RIMBP2: variants seen among roughly 807,000 people sequenced by gnomAD.
RIMBP2 encodes RIMS binding protein 2.
RIMBP2 carries 48 observed loss-of-function variants against 118.6 expected under a neutral mutation model. The observed-to-expected ratio is 0.40, with a 90% CI of 0.32 to 0.51. The LOEUF (loss-of-function observed/expected upper bound fraction) is 0.51. RIMBP2 is among the 20% of genes least tolerant of loss of function. The pLI is 0.41. For missense variants in RIMBP2, 1,551 were observed against 1,768.3 expected (o/e 0.88, Z 2.20); for synonymous variants, 762 against 742.9 (o/e 1.03, Z -0.42).
Position 130,424,623 on chromosome 12 carries a change from C to T in RIMBP2, c.2648G>A (p.Trp883Ter). 2 of 1,231,928 alleles carry T rather than the reference C, an allele frequency of 1.6e-6. No individual in the cohort carries two copies. The highest frequency in any genetic ancestry group is 2.0e-6 in the Non-Finnish European group (2 of 987,834). The allele number at this position is 1,231,928 out of a possible 1,614,324, so 76.3% of individuals were successfully genotyped here. A position where few individuals can be genotyped will look rare whatever the true frequency, so the allele number is the denominator to read the frequency against. ...YRGDEAPRGS[W>*]FPVKHRGSGA... Reference sequence around the variant, plus strand: ...CGAGCCCCTGTGCTTCACCGGGAACCAGGAGCCCCGAGGGGCCTCGTCGCC... The same window carrying T: ...CGAGCCCCTGTGCTTCACCGGGAACTAGGAGCCCCGAGGGGCCTCGTCGCC... The change falls in exon 16 of 23, where the codon TGG (tryptophan) becomes TAG (stop). Residue 883 changes from tryptophan to a stop codon, truncating the protein, a stop_gained. Transcript: ENST00000690449. LOFTEE classifies it high-confidence loss of function. The surrounding 1 kb of genome is among the most constrained non-coding windows in gnomAD (Gnocchi z 9.8).
intron 6 of RIMBP2, among the ~76,000 whole-genome samples, chr12:130,468,626 T>C (rs1036387348): frequency 1.3e-5 from 2 of 151,968 alleles, no homozygotes; most frequent in African/African-American, 4.8e-5. Context: ...GCAGGCAGCC[T>C]CCCTGGCCTG....
chr12:130,615,097 T>C (rs2060817930), intron 2 of RIMBP2, among the ~76,000 whole-genome samples: 1 of 147,674 alleles, frequency 6.8e-6, no homozygotes, highest in South Asian at 2.1e-4. Flanking sequence ...TGTGTATATA[T>C]GTGTATTATG....
At chr12:130,673,034 T>C (rs1401657162) in intron 1 of RIMBP2, among the ~76,000 whole-genome samples, 1 of 40,908 alleles carries the variant, frequency 2.4e-5, no homozygotes, top group Non-Finnish European at 8.1e-5. Context: ...AAGAACAGTC[T>C]GTCTCAGAAA....
Position 130,480,198 on chromosome 12 carries a change from TACACACACACAC to T in RIMBP2, c.-3-1194_-3-1183del, listed in dbSNP as rs10580090. 1.6e-3 allele frequency among the ~76,000 whole-genome samples: 210 copies of T among 127,552 alleles called. 1 individual carries two copies. The highest frequency in any genetic ancestry group is 7.5e-3 in the Middle Eastern group (2 of 268). 83.7% of individuals were successfully genotyped at this position (127,552 alleles called of 152,430 possible). On this transcript the variant is annotated intron_variant, in intron 4 of 22. Transcript: ENST00000690449. ...AGAATTTCATTGTCATTTCCTTTCATACACACACACACACACACACACACACACACACACACA... is the reference window on the plus strand; with the variant it reads ...AGAATTTCATTGTCATTTCCTTTCATACACACACACACACACACACACACA...
chr12:130,427,052 G>A (rs2076838736), intron 15 of RIMBP2: 1 of 152,320 alleles, frequency 6.6e-6, no homozygotes, highest in African/African-American at 2.4e-5. Flanking sequence ...GGTTTGCATA[G>A]GGATCTGGCA....
intron 2 of RIMBP2, among the ~76,000 whole-genome samples, chr12:130,533,829 G>A (rs1167801728): frequency 1.3e-5 from 2 of 152,174 alleles, no homozygotes; most frequent in Non-Finnish European, 2.9e-5. Flanking sequence ...CATGTTCTCA[G>A]TCACAAGTAG....
At chr12:130,550,110 G>A (rs879638602) in intron 2 of RIMBP2, among the ~76,000 whole-genome samples, 2 of 152,172 alleles carry the variant, frequency 1.3e-5, no homozygotes, top group African/African-American at 2.4e-5. Context: ...AAGTACTTCT[G>A]AAAACAAAGG....
intron 1 of RIMBP2, among the ~76,000 whole-genome samples, chr12:130,694,054 C>T (rs960453022): frequency 2.0e-5 from 3 of 152,328 alleles, no homozygotes; most frequent in Middle Eastern, 3.4e-3. Context: ...ATAAACCCTT[C>T]TCTTGTTTGA....
intron 1 of RIMBP2, among the ~76,000 whole-genome samples, chr12:130,648,004 CGTGTGCACACACATGTGAACACACGT>C: frequency 6.8e-6 from 1 of 146,462 alleles, no homozygotes. Flanking sequence ...CATGCACACA[CGTGTGCACACACATGTGAACACACGT>C]GTGTACACAC....
At chr12:130,498,904 A>C (rs1566149836) in intron 4 of RIMBP2, among the ~76,000 whole-genome samples, 1 of 152,186 alleles carries the variant, frequency 6.6e-6, no homozygotes, top group Non-Finnish European at 1.5e-5. Flanking sequence ...CACTAATCTC[A>C]GCCACTCAAT....
At chr12:130,569,669 G>A (rs886875699) in intron 2 of RIMBP2, among the ~76,000 whole-genome samples, 11 of 152,098 alleles carry the variant, frequency 7.2e-5, no homozygotes, top group East Asian at 1.9e-4. Flanking sequence ...ATTTAAAAGC[G>A]TGCAGCCCCT....
intron 16 of RIMBP2, among the ~76,000 whole-genome samples, chr12:130,423,340 T>G (rs2136715405): frequency 6.6e-6 from 1 of 152,188 alleles, no homozygotes; most frequent in African/African-American, 2.4e-5. Context: ...GGCGGCTGAG[T>G]CACTGAGGCA....
chr12:130,473,212 T>A (rs1050421854), intron 5 of RIMBP2, among the ~76,000 whole-genome samples: 1 of 152,230 alleles, frequency 6.6e-6, no homozygotes, highest in African/African-American at 2.4e-5. Flanking sequence ...ACTGTTGAAA[T>A]TGGCAGCGCT....
rs770656037 is a variant in RIMBP2 at position 130,670,190 on chromosome 12, G to A, written c.-351-41734C>T. ...TACGGTTGGGAGAGACAAGGAAGAG[G>A]CCCTCCCTTGAGCTCTGGGAGGGAG... is the stretch of plus-strand genomic sequence containing the variant. On this transcript the variant is annotated intron_variant, in intron 1 of 22. Transcript: ENST00000690449. This position sits in a 1 kb window ranked among gnomAD's most constrained non-coding sequence, Gnocchi z 4.9. Among the ~76,000 whole-genome samples the A allele has an allele frequency of 8.7e-4, 132 of 152,168 alleles. No individual in the cohort carries two copies. Among genetic ancestry groups the A allele is most frequent in the African/African-American group, 2.9e-3 (119 of 41,530 alleles).
At chr12:130,595,572 A>T (rs2059509259) in intron 2 of RIMBP2, among the ~76,000 whole-genome samples, 1 of 151,860 alleles carries the variant, frequency 6.6e-6, no homozygotes, top group African/African-American at 2.4e-5. Flanking sequence ...AATAATAATA[A>T]AATAAAAATA....
intron 2 of RIMBP2, among the ~76,000 whole-genome samples, chr12:130,613,827 A>AC (rs1343461906): frequency 6.6e-6 from 1 of 151,316 alleles, no homozygotes; most frequent in East Asian, 1.9e-4. Flanking sequence ...AAAAAAAAAA[A>AC]AAAAAACTCA....
At chr12:130,574,268 G>C (rs185188848) in intron 2 of RIMBP2, among the ~76,000 whole-genome samples, 292 of 152,042 alleles carry the variant, frequency 1.9e-3, no homozygotes, top group African/African-American at 6.7e-3. Flanking sequence ...TGTCCTGTTG[G>C]GGGGGTGGCG....
At chr12:130,482,207 C>A (rs527577742) in intron 4 of RIMBP2, among the ~76,000 whole-genome samples, 2 of 152,342 alleles carry the variant, frequency 1.3e-5, no homozygotes, top group Admixed American at 1.3e-4. Context: ...TCTCTGCAGA[C>A]CCTCATGAGG....
intron 3 of RIMBP2, among the ~76,000 whole-genome samples, chr12:130,515,961 G>A (rs1225160847): frequency 6.6e-6 from 1 of 152,188 alleles, no homozygotes; most frequent in Non-Finnish European, 1.5e-5. Flanking sequence ...GCCTCTCAAA[G>A]GGCTGGGATT....
Sources: allele counts gnomAD v4.1 joint callset (sites outside exome capture counted in the v4.1 genomes callset), GRCh38; gene constraint gnomAD v4.1.1; non-coding constraint Gnocchi (gnomAD v3.1); transcripts MANE v1.5; gene names NCBI Gene and HGNC (gene_info 2026-07-23, HGNC 2026-07-21).